The following FBXL18 variants were observed in gnomAD, a reference collection of about 807,000 sequenced individuals.
FBXL18 encodes F-box/LRR-repeat protein 18.
In FBXL18, 36 loss-of-function variants were observed where a neutral mutation model predicts 46.0. The observed-to-expected ratio is 0.78, with a 90% CI of 0.60 to 1.03. The LOEUF (loss-of-function observed/expected upper bound fraction) is 1.03. FBXL18 is among the 50% of genes least tolerant of loss of function. FBXL18 has a pLI of 0.00. For missense variants in FBXL18, 977 were observed against 1,004.1 expected, an observed-to-expected ratio of 0.97 and a Z score of 0.36; for synonymous variants, 557 against 465.3, an observed-to-expected ratio of 1.20 and a Z score of -2.54.
At chr7:5,458,020 C>T (rs551220038) in intron 4 of FBXL18, among the ~76,000 whole-genome samples, 1 of 151,990 alleles carries the variant, frequency 6.6e-6, no homozygotes, top group Non-Finnish European at 1.5e-5. Flanking sequence ...ATTGCTCCGG[C>T]GGATTCAAGC....
At chr7:5,467,168 A>G (rs1211946193) in intron 4 of FBXL18, among the ~76,000 whole-genome samples, 1 of 152,064 alleles carries the variant, frequency 6.6e-6, no homozygotes, top group Non-Finnish European at 1.5e-5. Context: ...TGGCTTACAC[A>G]GTGAAACCCC....
At chr7:5,506,001 A>T (rs1249322198) in intron 1 of FBXL18, among the ~76,000 whole-genome samples, 6 of 151,914 alleles carry the variant, frequency 3.9e-5, no homozygotes, top group Admixed American at 6.6e-5. Context: ...AGCAGCTGGG[A>T]CTACAGACGC....
intron 2 of FBXL18, among the ~76,000 whole-genome samples, chr7:5,504,083 C>T (rs985253575): frequency 3.3e-5 from 5 of 151,644 alleles, no homozygotes; most frequent in Admixed American, 6.6e-5. Context: ...CTGATACCAG[C>T]GTTGCAGGGA....
At chr7:5,500,361 G>A (rs1584232974) in intron 3 of FBXL18, 127 bp downstream of exon 3, 5 of 830,330 alleles carry the variant, frequency 6.0e-6, no homozygotes, top group African/African-American at 1.7e-5. Context: ...GACGTGGCAC[G>A]CTGCGAGGCC....
intron 2 of FBXL18, among the ~76,000 whole-genome samples, chr7:5,504,888 C>T (rs1784354471): frequency 1.7e-5 from 2 of 118,980 alleles, no homozygotes; most frequent in Non-Finnish European, 3.2e-5. Context: ...TGCACTCTAG[C>T]CTGGGCAAAA....
chr7:5,464,663 C>CAAAAAAAA (rs774631633), intron 4 of FBXL18, among the ~76,000 whole-genome samples: 1 of 29,522 alleles, frequency 3.4e-5, no homozygotes, highest in Non-Finnish European at 5.5e-5. Context: ...ACTCTTATCT[C>CAAAAAAAA]AAAAAAAAAA....
chr7:5,486,272 A>AAG (rs1240947433), intron 4 of FBXL18, among the ~76,000 whole-genome samples: 2 of 141,850 alleles, frequency 1.4e-5, no homozygotes, highest in Non-Finnish European at 1.5e-5. Flanking sequence ...AAAAAAAATG[A>AAG]GCTGGTTGTG....
In FBXL18 at chr7:5,501,084, G is replaced by C; in HGVS notation, c.1185C>G (p.His395Gln). ...LRHLNLSAAH[H>Q]HSSEGLGRHL... Reference sequence around the variant, plus strand: ...GGCGGCCCAGGCCCTCCGAGCTGTGGTGGTGGGCGGCCGAGAGGTTCAGGT... The same window carrying C: ...GGCGGCCCAGGCCCTCCGAGCTGTGCTGGTGGGCGGCCGAGAGGTTCAGGT... The change falls in exon 3 of 5, where the codon CAC becomes CAG. Residue 395 changes from histidine (H) to glutamine (Q), a missense_variant. Transcript: ENST00000382368. The C allele has an allele frequency of 6.2e-7, 1 of 1,612,060 alleles. No homozygotes were observed. Among genetic ancestry groups the C allele is most frequent in the Non-Finnish European group, 8.5e-7 (1 of 1,179,730 alleles).
chr7:5,490,643 G>A (rs950187738), intron 4 of FBXL18, among the ~76,000 whole-genome samples: 5 of 152,192 alleles, frequency 3.3e-5, no homozygotes, highest in Admixed American at 6.5e-5. Flanking sequence ...TCCAAACAAC[G>A]GGCAGAGATG....
At chr7:5,467,223 C>T (rs113783016) in intron 4 of FBXL18, among the ~76,000 whole-genome samples, 2,246 of 152,160 alleles carry the variant, frequency 0.015, 55 homozygotes, top group African/African-American at 0.051. Flanking sequence ...CGGTGGCGAG[C>T]GCCTGTAGTC....
At chr7:5,507,596 G>A (rs1584244490) in intron 1 of FBXL18, among the ~76,000 whole-genome samples, 1 of 152,142 alleles carries the variant, frequency 6.6e-6, no homozygotes, top group Admixed American at 6.6e-5. Flanking sequence ...AGCAGTTTGG[G>A]AGGCCGAGGC....
intron 4 of FBXL18, among the ~76,000 whole-genome samples, chr7:5,485,838 G>A (rs544915776): frequency 6.6e-6 from 1 of 152,162 alleles, no homozygotes; most frequent in African/African-American, 2.4e-5. Flanking sequence ...GATTACCTGA[G>A]AGGTCAGGAG....
chr7:5,456,361 A>G (rs1703589890), intron 4 of FBXL18, among the ~76,000 whole-genome samples: 2 of 152,216 alleles, frequency 1.3e-5, no homozygotes, highest in South Asian at 4.1e-4. Flanking sequence ...GGCAGCTCGA[A>G]TCAGTGGGAG....
chr7:5,479,440 C>T lies in FBXL18; in HGVS notation c.*2335G>A, dbSNP rs1783590044. ...GAACCTCCCAGGCCACTCGCCCCTGCCTGGTCGGAGAGCAAGAAGTGGTCA... is the reference window on the plus strand; with the variant it reads ...GAACCTCCCAGGCCACTCGCCCCTGTCTGGTCGGAGAGCAAGAAGTGGTCA... On this transcript the variant is annotated 3_prime_UTR_variant, in exon 5 of 5. Transcript: ENST00000382368. 2 of 152,270 alleles carry T rather than the reference C, an allele frequency of 1.3e-5. No homozygotes were observed. The highest frequency in any genetic ancestry group is 6.5e-5 in the Admixed American group (1 of 15,270). 9.4% of individuals were successfully genotyped at this position (152,270 alleles called of 1,614,324 possible). A position where few individuals can be genotyped will look rare whatever the true frequency, so the allele number is the denominator to read the frequency against.
rs1214386594 is a variant in FBXL18, at chr7:5,500,775, G to A, written c.1494C>T (p.Ala498=). The A allele has an allele frequency of 6.2e-7, 1 of 1,612,524 alleles. No homozygotes were observed. The highest frequency in any genetic ancestry group is 8.5e-7 in the Non-Finnish European group (1 of 1,179,780). ...GGATGGCGGGCTCGTTGCGGGGCAT[G>A]GCGGAGGAGAAGTTGGACCCAATCA... ...LELIGSNFSS[A]MPRNEPAIRN... The change falls in exon 3 of 5, where the codon GCC becomes GCT. Residue 498 remains alanine, a synonymous_variant. Coordinates refer to ENST00000382368, the MANE Select transcript of FBXL18 (RefSeq NM_024963.6).
Position 5,480,282 on chromosome 7 carries a change from A to T in FBXL18, c.*1493T>A, listed in dbSNP as rs1002312727. Among the ~76,000 whole-genome samples, 33 of 152,124 alleles carry T rather than the reference A, an allele frequency of 2.2e-4. No individual in the cohort carries two copies. The highest frequency in any genetic ancestry group is 8.8e-5 in the Non-Finnish European group (6 of 68,002). On this transcript the variant is annotated 3_prime_UTR_variant, in exon 5 of 5. Transcript: ENST00000382368. ...GGCCAGGGCGGCGGTCCAGGCTAGC[A>T]GGGCCCAACTACAGCCCCCTTTGGA... is the stretch of plus-strand genomic sequence containing the variant.
At chr7:5,498,321 T>C (rs915818765) in intron 3 of FBXL18, among the ~76,000 whole-genome samples, 2 of 152,096 alleles carry the variant, frequency 1.3e-5, no homozygotes, top group Admixed American at 6.5e-5. Context: ...CTCCTGACCT[T>C]ATGATCCACC....
intron 4 of FBXL18, among the ~76,000 whole-genome samples, chr7:5,482,975 C>T (rs1349037576): frequency 2.7e-5 from 4 of 149,502 alleles, no homozygotes; most frequent in East Asian, 2.0e-4. Flanking sequence ...GAGGTAGAGG[C>T]GGCAGTGAGC....
chr7:5,487,158 A>C (rs4724700), intron 4 of FBXL18, among the ~76,000 whole-genome samples: 5 of 152,092 alleles, frequency 3.3e-5, no homozygotes, highest in Non-Finnish European at 7.4e-5. Flanking sequence ...TGGAAAGCCC[A>C]GGGAAGGCCG....
Sources: gnomAD v4.1 joint callset for allele counts (sites outside exome capture counted in the v4.1 genomes callset) on GRCh38, gnomAD v4.1.1 for gene constraint, MANE v1.5 for transcripts, NCBI Gene and HGNC (gene_info 2026-07-23, HGNC 2026-07-21) for gene names.